ADAMTS20: variants seen among roughly 807,000 people sequenced by gnomAD.
The protein encoded by ADAMTS20 is A disintegrin and metalloproteinase with thrombospondin motifs 20.
ADAMTS20 carries 225 observed loss-of-function variants against 260.1 expected under a neutral mutation model. The ratio of observed to expected loss-of-function variants is 0.87; its 90% confidence interval spans 0.78 to 0.97. The LOEUF (loss-of-function observed/expected upper bound fraction) is 0.97, where lower values mean the gene tolerates loss of function less well. Ranked by LOEUF, ADAMTS20 falls within the 50% of genes least tolerant of loss-of-function variation. The pLI is 0.00. For synonymous variants in ADAMTS20, 802 were observed against 769.5 expected, an observed-to-expected ratio of 1.04 and a Z score of -0.70; for missense variants, 2,400 against 2,337.7, an observed-to-expected ratio of 1.03 and a Z score of -0.55.
At chr12:43,532,879 T>C in intron 2 of ADAMTS20, among the ~76,000 whole-genome samples, 1 of 11,806 alleles carries the variant, frequency 8.5e-5, no homozygotes, top group South Asian at 2.7e-3. Flanking sequence ...ACAAAGGACA[T>C]GAACTCATCA....
At chr12:43,424,731 A>T (rs932866665) in intron 28 of ADAMTS20, among the ~76,000 whole-genome samples, 2 of 152,048 alleles carry the variant, frequency 1.3e-5, no homozygotes, top group Non-Finnish European at 2.9e-5. Context: ...ATAATATAAT[A>T]GTCCTGATTA....
intron 7 of ADAMTS20, among the ~76,000 whole-genome samples, chr12:43,471,123 G>T (rs999271009): frequency 6.6e-6 from 1 of 152,104 alleles, no homozygotes; most frequent in East Asian, 1.9e-4. Context: ...AGGCCAGTGG[G>T]TGCACGCACC....
At chr12:43,437,808 A>T (rs1941585049) in intron 18 of ADAMTS20, among the ~76,000 whole-genome samples, 1 of 152,196 alleles carries the variant, frequency 6.6e-6, no homozygotes, top group Non-Finnish European at 1.5e-5. Context: ...CAGGACAATA[A>T]TGAAGGAAAA....
chr12:43,551,846 A>G lies in ADAMTS20; in HGVS notation c.76T>C (p.Phe26Leu), dbSNP rs1323112668. The stretch of plus-strand genomic sequence containing the variant: ...GTGACTTTACCTTGCCTGGGGTGGA[A>G]GTCAACTTCCCAAGACCTGGTGATG... ...LFITRSWEVD[F>L]HPRQEALVRT... The change falls in exon 1 of 39, where the codon TTC (phenylalanine) becomes CTC (leucine). Residue 26 changes from phenylalanine to leucine, a missense_variant. Coordinates refer to ENST00000389420, the MANE Select transcript of ADAMTS20 (RefSeq NM_025003.5). The surrounding 1 kb of genome is among the most constrained non-coding windows in gnomAD (Gnocchi z 4.6). 1 of 1,613,652 alleles carries G rather than the reference A, an allele frequency of 6.2e-7. No homozygotes were observed. The highest frequency in any genetic ancestry group is 1.1e-5 in the South Asian group (1 of 91,080).
At chr12:43,359,559 A>C (rs1939824109) in intron 37 of ADAMTS20, among the ~76,000 whole-genome samples, 1 of 152,236 alleles carries the variant, frequency 6.6e-6, no homozygotes, top group Non-Finnish European at 1.5e-5. Flanking sequence ...AGCTTACAAA[A>C]GAAGAATGAA....
intron 28 of ADAMTS20, chr12:43,424,048 T>C (rs912002541): frequency 5.0e-6 from 3 of 600,748 alleles, no homozygotes; most frequent in African/African-American, 1.9e-5. Flanking sequence ...CTTGGGTTTA[T>C]ATCTTATTAT....
At chr12:43,539,426 A>G (rs758432854) in intron 2 of ADAMTS20, among the ~76,000 whole-genome samples, 2 of 152,208 alleles carry the variant, frequency 1.3e-5, no homozygotes, top group Non-Finnish European at 2.9e-5. Flanking sequence ...CCATCAGACT[A>G]CTGACTATAA....
chr12:43,534,832 T>G (rs1002684528), intron 2 of ADAMTS20, among the ~76,000 whole-genome samples: 11 of 152,174 alleles, frequency 7.2e-5, no homozygotes, highest in African/African-American at 2.7e-4. Context: ...TCTAGAAGGA[T>G]TATTAGGAAC....
intron 2 of ADAMTS20, among the ~76,000 whole-genome samples, chr12:43,550,668 G>C (rs1943499124): frequency 6.6e-6 from 1 of 152,188 alleles, no homozygotes; most frequent in Non-Finnish European, 1.5e-5. Context: ...CAGGGATGAT[G>C]AAAGAGCATC....
Position 43,399,145 on chromosome 12 carries a change from C to A in ADAMTS20, c.4373G>T (p.Ser1458Ile), listed in dbSNP as rs577989801. 7.7e-6 allele frequency: 12 copies of A among 1,560,078 alleles called. No individual in the cohort carries two copies. The Admixed American group carries it at 2.3e-4, about 30-fold the overall frequency. The change falls in exon 29 of 39, where the codon AGT becomes ATT. Residue 1458 changes from serine to isoleucine, a missense_variant. Coordinates refer to ENST00000389420, the MANE Select transcript of ADAMTS20 (RefSeq NM_025003.5). ...GTGAGTTGGAGGTTTCTGTACTTGA[C>A]TGCAATTTGTGTCTTCTAATTTCCT... ...FQRKLEDTNC[S>I]QVQKPPTHKA...
intron 28 of ADAMTS20, among the ~76,000 whole-genome samples, chr12:43,420,794 CTCCT>C (rs1346032550): frequency 3.4e-5 from 3 of 87,730 alleles, no homozygotes; most frequent in Non-Finnish European, 4.5e-5. Context: ...TCTCCTCCTC[CTCCT>C]TCTTTTTTTT....
chr12:43,425,174 C>T (rs905684687), intron 28 of ADAMTS20, among the ~76,000 whole-genome samples: 2 of 152,072 alleles, frequency 1.3e-5, no homozygotes, highest in Non-Finnish European at 2.9e-5. Context: ...GCCAAACACT[C>T]CATGTTCTCA....
intron 3 of ADAMTS20, among the ~76,000 whole-genome samples, chr12:43,528,348 CAAAAAAAAA>C (rs58281767): frequency 3.1e-4 from 9 of 29,056 alleles, no homozygotes; most frequent in South Asian, 3.4e-3. Flanking sequence ...CAATCCTAAG[CAAAAAAAAA>C]AAAAAAAAAA....
At chr12:43,509,195 A>C (rs906331518) in intron 3 of ADAMTS20, among the ~76,000 whole-genome samples, 1 of 152,126 alleles carries the variant, frequency 6.6e-6, no homozygotes, top group African/African-American at 2.4e-5. Flanking sequence ...TGCTATTGGA[A>C]ATAGTGCCGC....
At chr12:43,501,481 G>GCGCACACACACACACACACACACACACA (rs373746834) in intron 4 of ADAMTS20, among the ~76,000 whole-genome samples, 23 of 117,848 alleles carry the variant, frequency 2.0e-4, no homozygotes, top group South Asian at 1.9e-3. Context: ...GCGCGCGCGC[G>GCGCACACACACACACACACACACACACA]CACACACACA....
At chr12:43,477,061 A>T (rs1211463020) in intron 7 of ADAMTS20, among the ~76,000 whole-genome samples, 1 of 151,938 alleles carries the variant, frequency 6.6e-6, no homozygotes, top group Non-Finnish European at 1.5e-5. Flanking sequence ...AATAAAAAAA[A>T]AAAAAAAACA....
chr12:43,511,669 A>G (rs1485065832), intron 3 of ADAMTS20, among the ~76,000 whole-genome samples: 1 of 152,140 alleles, frequency 6.6e-6, no homozygotes, highest in Non-Finnish European at 1.5e-5. Flanking sequence ...GAACAATTCA[A>G]AGACAGATAT....
intron 7 of ADAMTS20, among the ~76,000 whole-genome samples, chr12:43,488,035 G>C (rs546034021): frequency 3.3e-5 from 5 of 152,092 alleles, no homozygotes; most frequent in Non-Finnish European, 7.4e-5. Context: ...TAATTTCACA[G>C]TGAACTTCAA....
At chr12:43,396,112 A>G (rs1375728182) in intron 29 of ADAMTS20, among the ~76,000 whole-genome samples, 1 of 152,024 alleles carries the variant, frequency 6.6e-6, no homozygotes, top group Non-Finnish European at 1.5e-5. Flanking sequence ...GCATCTAAGG[A>G]TATACATTTG....
Sources: gnomAD v4.1 joint callset for allele counts (sites outside exome capture counted in the v4.1 genomes callset) on GRCh38, gnomAD v4.1.1 for gene constraint, Gnocchi (gnomAD v3.1) non-coding constraint, MANE v1.5 for transcripts, NCBI Gene and HGNC (gene_info 2026-07-23, HGNC 2026-07-21) for gene names.